FCF1: variants seen among roughly 807,000 people sequenced by gnomAD.
FCF1 encodes the protein rRNA-processing protein FCF1 homolog.
Under a neutral mutation model 32.5 loss-of-function variants are expected in FCF1, and 17 were observed. The observed-to-expected ratio is 0.52, with a 90% CI of 0.36 to 0.78. The LOEUF (loss-of-function observed/expected upper bound fraction) is 0.78. FCF1 is among the 30% of genes least tolerant of loss of function. The pLI, the probability that FCF1 is intolerant of heterozygous loss-of-function variation, is 0.00. For synonymous variants in FCF1, 84 were observed against 78.4 expected, an observed-to-expected ratio of 1.07 and a Z score of -0.38; for missense variants, 201 against 241.1, an observed-to-expected ratio of 0.83 and a Z score of 1.10.
intron 5 of FCF1, among the ~76,000 whole-genome samples, chr14:74,731,720 T>C (rs1331797998): frequency 1.3e-5 from 2 of 152,198 alleles, no homozygotes; most frequent in South Asian, 2.1e-4. Context: ...TTTAATCTTA[T>C]TTCACCCCAT....
chr14:74,714,027 A>G (rs1392344062), intron 2 of FCF1, among the ~76,000 whole-genome samples: 2 of 152,244 alleles, frequency 1.3e-5, no homozygotes, highest in Non-Finnish European at 2.9e-5. Flanking sequence ...TCTTACTAAT[A>G]TAAGAATCCA....
chr14:74,714,637 T>A (rs952693227), intron 2 of FCF1, among the ~76,000 whole-genome samples: 2 of 152,244 alleles, frequency 1.3e-5, no homozygotes, highest in Non-Finnish European at 2.9e-5. Flanking sequence ...ATTTACTCAT[T>A]AACAATTCTT....
rs761627875 is a variant in FCF1, at chr14:74,713,559, G to A, written c.71+7G>A. 8 of 1,607,946 alleles carry A rather than the reference G, an allele frequency of 5.0e-6. No individual in the cohort carries two copies. The highest frequency in any genetic ancestry group is 6.0e-6 in the Non-Finnish European group (7 of 1,176,122). ...GTCTCAGAGATCAGAGGCTGTGAGT[G>A]TCTGGAATCAACTGCCCAGGGATAT... On this transcript the variant is annotated splice_region_variant and intron_variant, in intron 2 of 7. Transcript: ENST00000341162.
At chr14:74,720,672 A>T (rs1321801543) in intron 4 of FCF1, among the ~76,000 whole-genome samples, 1 of 152,048 alleles carries the variant, frequency 6.6e-6, no homozygotes, top group Non-Finnish European at 1.5e-5. Flanking sequence ...TTTTGAGTCA[A>T]GGTCTTGCTA....
chr14:74,717,183 C>G (rs1246236362), intron 4 of FCF1, among the ~76,000 whole-genome samples: 2 of 152,072 alleles, frequency 1.3e-5, no homozygotes, highest in Non-Finnish European at 2.9e-5. Context: ...AGGTGAAACC[C>G]CATATCTACT....
At chr14:74,719,316 G>A (rs1285046375) in intron 4 of FCF1, among the ~76,000 whole-genome samples, 3 of 150,700 alleles carry the variant, frequency 2.0e-5, no homozygotes, top group Non-Finnish European at 3.0e-5. Context: ...AAAAGAAGAA[G>A]AAGAAGAAAA....
At chr14:74,729,329 G>GGGAGA (rs564832817) in intron 5 of FCF1, among the ~76,000 whole-genome samples, 148 of 151,948 alleles carry the variant, frequency 9.7e-4, no homozygotes, top group South Asian at 3.8e-3. Context: ...GTTTAGTCTT[G>GGGAGA]GGAGAGTGTA....
chr14:74,713,457 T>G, intron 1 of FCF1, 28 bp from the exon 2 acceptor site: 1 of 1,610,366 alleles, frequency 6.2e-7, no homozygotes, highest in Non-Finnish European at 8.5e-7. Flanking sequence ...GTTTCCAACT[T>G]TTTTAATTCT....
intron 5 of FCF1, among the ~76,000 whole-genome samples, chr14:74,731,572 T>C (rs945000380): frequency 6.6e-6 from 1 of 152,198 alleles, no homozygotes; most frequent in Non-Finnish European, 1.5e-5. Flanking sequence ...AGACTCTTTC[T>C]AGCCCCATTT....
At chr14:74,732,151 A>G (rs1243509577) in intron 5 of FCF1, among the ~76,000 whole-genome samples, 1 of 141,752 alleles carries the variant, frequency 7.1e-6, no homozygotes, top group African/African-American at 2.6e-5. Context: ...TAATTAAATC[A>G]TATTATATAT....
rs747447156 is a variant in FCF1 at position 74,713,531 on chromosome 14, T to C, written c.50T>C (p.Leu17Pro). Residue 17 changes from leucine to proline, a missense_variant, in exon 2 of 8, where the codon CTT becomes CCT. Physicochemically the swap from Leu to Pro is moderately conservative, Grantham distance 98. Coordinates refer to ENST00000341162, the MANE Select transcript of FCF1 (RefSeq NM_015962.5). The stretch of plus-strand genomic sequence containing the variant: ...AAGTATGCGACCATGAAGCGAATGC[T>C]TAGTCTCAGAGATCAGAGGCTGTGA... ...TRKYATMKRM[L>P]SLRDQRLKEK... 1.2e-6 allele frequency: 2 copies of C among 1,612,254 alleles called. No individual in the cohort carries two copies. The highest frequency in any genetic ancestry group is 3.3e-5 in the Admixed American group (2 of 60,032).
intron 4 of FCF1, among the ~76,000 whole-genome samples, chr14:74,716,407 A>G: frequency 6.6e-6 from 1 of 152,354 alleles, no homozygotes; most frequent in Admixed American, 6.5e-5. Flanking sequence ...TAAATGAAAA[A>G]TCTATTTTTC....
rs80198388 is a variant in FCF1 at position 74,734,287 on chromosome 14, A to T, written c.548+117A>T. 211 of 621,162 alleles carry T rather than the reference A, an allele frequency of 3.4e-4. 1 individual carries two copies. The highest frequency in any genetic ancestry group is 3.4e-3 in the African/African-American group (186 of 54,780). The allele number at this position is 621,162 out of a possible 1,614,324, so 38.5% of individuals were successfully genotyped here. A position where few individuals can be genotyped will look rare whatever the true frequency, so the allele number is the denominator to read the frequency against. ...AGAAATTATTGTATCAAATGTTTAC[A>T]TAGTTATATTTGAAGAAATGAGACA... is the stretch of plus-strand genomic sequence containing the variant. On this transcript the variant is annotated intron_variant, in intron 7 of 7. Coordinates refer to ENST00000341162, the MANE Select transcript of FCF1 (RefSeq NM_015962.5).
Position 74,734,137 on chromosome 14 carries a change from C to T in FCF1, c.515C>T (p.Pro172Leu). Residue 172 changes from proline (P) to leucine (L), a missense_variant, in exon 7 of 8, where the codon CCT becomes CTT. This residue lies in a region of FCF1 where 121 missense variants were observed against 147.8 expected (regional missense o/e 0.82). Coordinates refer to ENST00000341162, the MANE Select transcript of FCF1 (RefSeq NM_015962.5). ...CTGAAAAGAAGAATCCGTAAGATTC[C>T]TGGAGTTCCTATCATGTACATTTCT... ...RDLKRRIRKI[P>L]GVPIMYISNH... is the part of the protein sequence containing the mutation. 2 of 1,613,506 alleles carry T rather than the reference C, an allele frequency of 1.2e-6. No individual in the cohort carries two copies. Among genetic ancestry groups the T allele is most frequent in the South Asian group, 1.1e-5 (1 of 91,066 alleles).
intron 6 of FCF1, 34 bp downstream of exon 6, chr14:74,732,852 TA>T (rs577164648): frequency 0.079 from 69,205 of 873,278 alleles, 18 homozygotes; most frequent in South Asian, 0.13. Flanking sequence ...ACTTTGTGCT[TA>T]AAAAAAAAAA....
At chr14:74,715,488 C>G (rs2090405810) in intron 3 of FCF1, among the ~76,000 whole-genome samples, 1 of 152,046 alleles carries the variant, frequency 6.6e-6, no homozygotes, top group South Asian at 2.1e-4. Flanking sequence ...CATATTCAAC[C>G]CAGACAACTT....
At chr14:74,713,427 G>T in intron 1 of FCF1, 58 bp from the exon 2 acceptor site, 1 of 1,574,362 alleles carries the variant, frequency 6.4e-7, no homozygotes, top group Non-Finnish European at 8.7e-7. Context: ...GAAAAGAAGA[G>T]ACTTTAAAAG....
intron 4 of FCF1, among the ~76,000 whole-genome samples, chr14:74,722,047 C>CTTTTTTTTT (rs59367492): frequency 3.3e-5 from 4 of 121,406 alleles, no homozygotes; most frequent in East Asian, 2.4e-4. Context: ...TGGGTATTTT[C>CTTTTTTTTT]TTTTTTTTTT....
chr14:74,733,002 A>G (rs1008252881), intron 6 of FCF1, among the ~76,000 whole-genome samples, 184 bp downstream of exon 6: 1 of 152,202 alleles, frequency 6.6e-6, no homozygotes, highest in African/African-American at 2.4e-5. Flanking sequence ...AAGTGGATTG[A>G]AAATGTACAC....
Sources: gnomAD v4.1 joint callset for allele counts (sites outside exome capture counted in the v4.1 genomes callset) on GRCh38, gnomAD v4.1.1 for gene constraint, gnomAD v4.1.1 regional missense constraint, MANE v1.5 for transcripts, NCBI Gene and HGNC (gene_info 2026-07-23, HGNC 2026-07-21) for gene names.